The following MCF2L2 variants were observed in gnomAD, a reference collection of about 807,000 sequenced individuals.
The protein encoded by MCF2L2 is MCF.2 cell line derived transforming sequence-like 2.
A neutral mutation model predicts 150.2 loss-of-function variants in MCF2L2; 102 were observed. That is an observed-to-expected ratio of 0.68 (90% CI 0.58 to 0.80). MCF2L2 has a LOEUF of 0.80. Ranked by LOEUF, MCF2L2 falls within the 30% of genes least tolerant of loss-of-function variation. The probability of loss-of-function intolerance (pLI) is 0.00; values close to 1 mark genes in which losing one functional copy is unlikely to be tolerated. For missense variants in MCF2L2, 1,256 were observed against 1,372.8 expected (o/e 0.91, Z 1.34); for synonymous variants, 465 against 491.3 (o/e 0.95, Z 0.71).
intron 5 of MCF2L2, among the ~76,000 whole-genome samples, chr3:183,333,918 A>C (rs758774078): frequency 4.0e-5 from 6 of 148,762 alleles, no homozygotes; most frequent in Non-Finnish European, 8.9e-5. Context: ...CATGCCTGAG[A>C]GGGGCCTAGA....
intron 10 of MCF2L2, among the ~76,000 whole-genome samples, chr3:183,304,608 G>T (rs1000366431): frequency 7.3e-5 from 11 of 151,544 alleles, no homozygotes; most frequent in Non-Finnish European, 1.0e-4. Context: ...TGGGACTATA[G>T]GCGCCCACCA....
intron 10 of MCF2L2, among the ~76,000 whole-genome samples, chr3:183,304,694 G>A (rs1391963544): frequency 1.3e-5 from 2 of 150,434 alleles, no homozygotes; most frequent in Non-Finnish European, 3.0e-5. Flanking sequence ...GGCTGGTCTC[G>A]AACTCCTGAG....
chr3:183,403,265 G>A (rs974622520), intron 1 of MCF2L2, among the ~76,000 whole-genome samples: 8 of 144,264 alleles, frequency 5.5e-5, no homozygotes, highest in African/African-American at 1.6e-4. Flanking sequence ...GTGAGACTCC[G>A]TCTCAAAATA....
In MCF2L2 at chr3:183,311,767, C is replaced by T. The variant is rs771294344; in HGVS notation, c.759G>A (p.Glu253=). The T allele has an allele frequency of 2.5e-6, 4 of 1,613,216 alleles. No individual in the cohort carries two copies. Among genetic ancestry groups the T allele is most frequent in the South Asian group, 1.1e-5 (1 of 90,896 alleles). The change falls in exon 8 of 30, where the codon GAG becomes GAA. Residue 253 remains glutamate, a synonymous_variant. Coordinates refer to ENST00000328913, the MANE Select transcript of MCF2L2 (RefSeq NM_015078.4). ...TCCCCTGCTTTCCAAGTAATTTCAG[C>T]TCATCCTAGAAAATAAAAGTAGTCT... ...HTRQRDKLQD[E]LKLLGKQGTT...
intron 3 of MCF2L2, among the ~76,000 whole-genome samples, chr3:183,342,620 ATGTGTGTGTGTGTGTGTGTGTGTG>A (rs57683720): frequency 0.039 from 5,632 of 142,978 alleles, 363 homozygotes; most frequent in African/African-American, 0.13. Flanking sequence ...TGAAGATTAA[ATGTGTGTGTGTGTGTGTGTGTGTG>A]TGTGTGTGTG....
chr3:183,187,091 T>C (rs1721719778), intron 27 of MCF2L2, among the ~76,000 whole-genome samples: 1 of 152,218 alleles, frequency 6.6e-6, no homozygotes, highest in Non-Finnish European at 1.5e-5. Context: ...CTAGAACTTA[T>C]TTTCTTCATT....
intron 27 of MCF2L2, among the ~76,000 whole-genome samples, chr3:183,188,147 C>T (rs1328576772): frequency 6.6e-6 from 1 of 152,192 alleles, no homozygotes; most frequent in East Asian, 1.9e-4. Context: ...AGGACCCCCA[C>T]TATACATGCC....
At chr3:183,281,362 CT>C (rs773642295) in intron 14 of MCF2L2, among the ~76,000 whole-genome samples, 2,961 of 121,726 alleles carry the variant, frequency 0.024, 101 homozygotes, top group East Asian at 0.13. Flanking sequence ...GGAACCTCAC[CT>C]TTTTTTTTTT....
chr3:183,309,611 C>A, intron 10 of MCF2L2, 105 bp downstream of exon 10: 1 of 1,445,198 alleles, frequency 6.9e-7, no homozygotes, highest in Non-Finnish European at 9.6e-7. Flanking sequence ...CAGGACTGGG[C>A]ATTCCTGTGT....
At chr3:183,397,185 T>C (rs778476007) in intron 1 of MCF2L2, among the ~76,000 whole-genome samples, 13 of 152,234 alleles carry the variant, frequency 8.5e-5, no homozygotes, top group Non-Finnish European at 1.5e-4. Context: ...CTTGCTGCTA[T>C]AACAAAATAC....
chr3:183,325,216 A>G (rs1018822478), intron 5 of MCF2L2, among the ~76,000 whole-genome samples: 9 of 151,858 alleles, frequency 5.9e-5, no homozygotes, highest in Non-Finnish European at 1.3e-4. Flanking sequence ...ATGTATACAT[A>G]TGTAACAAAC....
In MCF2L2 at chr3:183,267,522, G is replaced by T. The variant is rs1726271630; in HGVS notation, c.1862+9350C>A. 6.6e-6 allele frequency among the ~76,000 whole-genome samples: 1 copy of T among 152,226 alleles called. No individual in the cohort carries two copies. The highest frequency in any genetic ancestry group is 2.4e-5 in the African/African-American group (1 of 41,470). On this transcript the variant is annotated intron_variant, in intron 15 of 29. Coordinates refer to ENST00000328913, the MANE Select transcript of MCF2L2 (RefSeq NM_015078.4). This position sits in a 1 kb window ranked among gnomAD's most constrained non-coding sequence, Gnocchi z 5.5. ...GTGTACAGTTGGTTTTCTATCAGGGGTCAACCGGCGGGGGGACTTGAGAAC... is the reference window on the plus strand; with the variant it reads ...GTGTACAGTTGGTTTTCTATCAGGGTTCAACCGGCGGGGGGACTTGAGAAC...
At chr3:183,349,544 A>C (rs1731030721) in intron 3 of MCF2L2, among the ~76,000 whole-genome samples, 1 of 152,254 alleles carries the variant, frequency 6.6e-6, no homozygotes, top group African/African-American at 2.4e-5. Context: ...GCACTAGCAA[A>C]AACGTGTGAA....
chr3:183,380,231 T>C (rs377071742), intron 2 of MCF2L2, among the ~76,000 whole-genome samples: 5 of 152,166 alleles, frequency 3.3e-5, no homozygotes, highest in African/African-American at 1.2e-4. Flanking sequence ...TTTGACTAAG[T>C]TCTAGCCCCA....
intron 13 of MCF2L2, among the ~76,000 whole-genome samples, chr3:183,292,002 C>G (rs1458327091): frequency 6.6e-6 from 1 of 152,080 alleles, no homozygotes; most frequent in Non-Finnish European, 1.5e-5. Context: ...GTTCTGTTTC[C>G]AATCATCTAA....
intron 1 of MCF2L2, among the ~76,000 whole-genome samples, chr3:183,399,174 C>T (rs900977042): frequency 1.5e-4 from 23 of 152,074 alleles, no homozygotes; most frequent in African/African-American, 4.8e-4. Context: ...TATATAATAG[C>T]CATTGCCTTT....
intron 10 of MCF2L2, among the ~76,000 whole-genome samples, chr3:183,302,039 A>G (rs541538818): frequency 5.9e-5 from 9 of 152,226 alleles, no homozygotes; most frequent in Non-Finnish European, 1.0e-4. Flanking sequence ...AGCTGCTGAC[A>G]TGACCAGCCA....
chr3:183,259,013 C>A (rs1350982025), intron 15 of MCF2L2, among the ~76,000 whole-genome samples: 1 of 152,200 alleles, frequency 6.6e-6, no homozygotes, highest in Non-Finnish European at 1.5e-5. Context: ...ATGTTCAGTA[C>A]AGACACGACC....
At chr3:183,331,699 C>G (rs558442057) in intron 5 of MCF2L2, among the ~76,000 whole-genome samples, 2 of 152,132 alleles carry the variant, frequency 1.3e-5, no homozygotes, top group African/African-American at 4.8e-5. Flanking sequence ...TACAGCTGTT[C>G]CAGAATAGGG....
Sources: allele counts gnomAD v4.1 joint callset (sites outside exome capture counted in the v4.1 genomes callset), GRCh38; gene constraint gnomAD v4.1.1; non-coding constraint Gnocchi (gnomAD v3.1); transcripts MANE v1.5; gene names NCBI Gene and HGNC (gene_info 2026-07-23, HGNC 2026-07-21).